GABRB1: variants seen among roughly 807,000 people sequenced by gnomAD.
The protein encoded by GABRB1 is gamma-aminobutyric acid type A receptor subunit beta1.
GABRB1 carries 17 observed loss-of-function variants against 51.6 expected under a neutral mutation model. The ratio of observed to expected loss-of-function variants is 0.33; its 90% CI spans 0.23 to 0.49. The LOEUF (loss-of-function observed/expected upper bound fraction) is 0.49, where lower values mean the gene tolerates loss of function less well. Among genes scored for constraint, GABRB1 ranks in the 20% least tolerant of loss-of-function variants. GABRB1 has a pLI of 0.99. For synonymous variants in GABRB1, 247 were observed against 218.9 expected (o/e 1.13, Z -1.14); for missense variants, 410 against 600.6 (o/e 0.68, Z 3.32).
intron 4 of GABRB1, among the ~76,000 whole-genome samples, chr4:47,188,985 A>T (rs903226435): frequency 6.6e-6 from 1 of 152,026 alleles, no homozygotes; most frequent in African/African-American, 2.4e-5. Context: ...AGCAAGAAAT[A>T]TTATATTTTT....
intron 3 of GABRB1, among the ~76,000 whole-genome samples, chr4:47,111,697 C>G (rs1470436552): frequency 6.6e-6 from 1 of 151,884 alleles, no homozygotes; most frequent in Non-Finnish European, 1.5e-5. Flanking sequence ...AACCTCATCT[C>G]TACAATAAAA....
intron 4 of GABRB1, 52 bp downstream of exon 4, chr4:47,161,521 T>G: frequency 2.6e-6 from 4 of 1,522,756 alleles, no homozygotes; most frequent in Non-Finnish European, 3.6e-6. Flanking sequence ...TTGTTTCATT[T>G]TAAACTTTTG....
At chr4:47,411,032 A>G (rs886443293) in intron 8 of GABRB1, among the ~76,000 whole-genome samples, 2 of 152,206 alleles carry the variant, frequency 1.3e-5, no homozygotes, top group Admixed American at 6.5e-5. Context: ...TAGAGTCTCT[A>G]TGGTGCATCA....
intron 4 of GABRB1, among the ~76,000 whole-genome samples, chr4:47,178,378 T>C (rs1718790671): frequency 6.6e-6 from 1 of 152,136 alleles, no homozygotes; most frequent in Admixed American, 6.6e-5. Context: ...ATAGAATCCT[T>C]TGCATTACCT....
chr4:47,225,700 T>C (rs1205778309), intron 4 of GABRB1, among the ~76,000 whole-genome samples: 1 of 152,148 alleles, frequency 6.6e-6, no homozygotes, highest in Non-Finnish European at 1.5e-5. Flanking sequence ...TTTGAGATGG[T>C]AGAAAATAGA....
chr4:47,044,641 T>G (rs1352957067), intron 3 of GABRB1, among the ~76,000 whole-genome samples: 1 of 152,058 alleles, frequency 6.6e-6, no homozygotes, highest in African/African-American at 2.4e-5. Flanking sequence ...AGTGCTGGTA[T>G]TTTTTATTTC....
At chr4:47,386,829 T>C (rs1240901074) in intron 5 of GABRB1, among the ~76,000 whole-genome samples, 1 of 152,218 alleles carries the variant, frequency 6.6e-6, no homozygotes, top group Admixed American at 6.5e-5. Context: ...ATCAGTAATC[T>C]ATGGAAGCAG....
chr4:47,420,557 C>T (rs1729060894), intron 8 of GABRB1, among the ~76,000 whole-genome samples: 1 of 152,162 alleles, frequency 6.6e-6, no homozygotes, highest in African/African-American at 2.4e-5. Context: ...CTGGATTGTG[C>T]TCAACTCAAA....
intron 5 of GABRB1, among the ~76,000 whole-genome samples, chr4:47,362,997 T>C (rs1726859491): frequency 6.6e-6 from 1 of 150,540 alleles, no homozygotes; most frequent in African/African-American, 2.5e-5. Flanking sequence ...ACCAGACTGA[T>C]AAATGAGAAT....
chr4:47,387,586 AAAGAAAGTAAAAACCATTT>A (rs1727843856), intron 5 of GABRB1, among the ~76,000 whole-genome samples: 1 of 152,246 alleles, frequency 6.6e-6, no homozygotes, highest in Admixed American at 6.5e-5. Context: ...TGTGAGTCCA[AAAGAAAGTAAAAACCATTT>A]GATTGTGGAA....
chr4:47,088,611 AG>A (rs1209743587), intron 3 of GABRB1, among the ~76,000 whole-genome samples: 1 of 152,186 alleles, frequency 6.6e-6, no homozygotes, highest in Non-Finnish European at 1.5e-5. Flanking sequence ...CAGGAGAAAA[AG>A]TTGTTTCTTT....
chr4:47,095,874 C>T (rs896595123), intron 3 of GABRB1, among the ~76,000 whole-genome samples: 10 of 152,158 alleles, frequency 6.6e-5, no homozygotes, highest in African/African-American at 2.4e-4. Flanking sequence ...TTAATTTAAA[C>T]TTTTATCTTG....
chr4:47,407,430 AT>A (rs1728613967), intron 8 of GABRB1, among the ~76,000 whole-genome samples: 2 of 152,204 alleles, frequency 1.3e-5, no homozygotes, highest in Non-Finnish European at 2.9e-5. Context: ...TAGTATGTCT[AT>A]CTCACAGAGT....
intron 4 of GABRB1, among the ~76,000 whole-genome samples, chr4:47,312,368 T>C (rs1724723126): frequency 6.6e-6 from 1 of 152,092 alleles, no homozygotes; most frequent in African/African-American, 2.4e-5. Context: ...ACTATGAAGA[T>C]AATGCAAATT....
chr4:47,022,959 TGG>T (rs796402875), intron 1 of GABRB1, among the ~76,000 whole-genome samples: 6 of 152,090 alleles, frequency 3.9e-5, no homozygotes, highest in African/African-American at 1.4e-4. Context: ...AAAGAAAATG[TGG>T]TACATATACG....
chr4:47,223,193 G>GT (rs1720828776), intron 4 of GABRB1, among the ~76,000 whole-genome samples: 1 of 152,100 alleles, frequency 6.6e-6, no homozygotes. Context: ...TTGTAAAAAA[G>GT]TTTTTTAATG....
At chr4:47,246,604 A>G (rs1242053031) in intron 4 of GABRB1, among the ~76,000 whole-genome samples, 4 of 151,036 alleles carry the variant, frequency 2.6e-5, no homozygotes, top group Non-Finnish European at 4.4e-5. Context: ...GAATCTTCAC[A>G]CTGTTTTCCA....
At chr4:47,406,354 C>A (rs1728564711) in intron 7 of GABRB1, among the ~76,000 whole-genome samples, 1 of 152,174 alleles carries the variant, frequency 6.6e-6, no homozygotes, top group East Asian at 1.9e-4. Context: ...GGTCATGTAA[C>A]AAAGTGAGCG....
At chr4:46,998,499 G>A (rs558087863) in intron 1 of GABRB1, among the ~76,000 whole-genome samples, 63 of 152,130 alleles carry the variant, frequency 4.1e-4, no homozygotes, top group Middle Eastern at 3.4e-3. Context: ...TTGGGAGGCC[G>A]AGGTGGGTGG....
Sources: gnomAD v4.1 joint callset for allele counts (sites outside exome capture counted in the v4.1 genomes callset) on GRCh38, gnomAD v4.1.1 for gene constraint, MANE v1.5 for transcripts, NCBI Gene and HGNC (gene_info 2026-07-23, HGNC 2026-07-21) for gene names.